The following KATNBL1 variants were observed in gnomAD, a reference collection of about 807,000 sequenced individuals.
KATNBL1 encodes KATNB1-like protein 1.
KATNBL1 carries 28 observed loss-of-function variants against 44.7 expected under a neutral mutation model. That is an observed-to-expected ratio of 0.63 (90% CI 0.46 to 0.86). The LOEUF (loss-of-function observed/expected upper bound fraction) is 0.86. Among genes scored for constraint, KATNBL1 ranks in the 40% least tolerant of loss-of-function variants. The pLI is 0.00. For missense variants in KATNBL1, 272 were observed against 350.7 expected (o/e 0.78, Z 1.79); for synonymous variants, 78 against 114.9 (o/e 0.68, Z 2.06).
rs1372466698 is a variant in KATNBL1, at chr15:34,147,952, C to T, written c.558-522G>A. Among the ~76,000 whole-genome samples the T allele has an allele frequency of 2.0e-5, 3 of 152,058 alleles. No homozygotes were observed. In the East Asian group the frequency reaches 5.8e-4, roughly 29 times the overall value. On this transcript the variant is annotated intron_variant, in intron 5 of 9. Transcript: ENST00000256544. ...CATAATCACAGCTTACTGCAACCTC[C>T]AACTCCTGGGTTCAAAGTGATCTTC...
chr15:34,147,633 T>G (rs1597423984), intron 5 of KATNBL1, among the ~76,000 whole-genome samples: 18 of 139,286 alleles, frequency 1.3e-4, no homozygotes, highest in African/African-American at 2.4e-4. Context: ...GGTTGGGGGG[T>G]GGGACAGAGA....
chr15:34,161,694 C>G (rs968777130), intron 2 of KATNBL1, among the ~76,000 whole-genome samples: 2 of 152,086 alleles, frequency 1.3e-5, no homozygotes, highest in African/African-American at 4.8e-5. Flanking sequence ...TTAAAGAGAG[C>G]AGGGGTATGA....
At chr15:34,201,128 T>C (rs941250013) in intron 1 of KATNBL1, among the ~76,000 whole-genome samples, 1 of 152,240 alleles carries the variant, frequency 6.6e-6, no homozygotes, top group African/African-American at 2.4e-5. Flanking sequence ...TCCTCAGTTT[T>C]AATCAAGTCC....
At chr15:34,178,544 T>C (rs963454859) in intron 1 of KATNBL1, among the ~76,000 whole-genome samples, 11 of 151,940 alleles carry the variant, frequency 7.2e-5, no homozygotes, top group African/African-American at 2.7e-4. Context: ...GATCACGAGG[T>C]CAGGAGATCG....
At chr15:34,188,278 G>A (rs1053763177) in intron 1 of KATNBL1, among the ~76,000 whole-genome samples, 2 of 151,100 alleles carry the variant, frequency 1.3e-5, no homozygotes, top group African/African-American at 4.9e-5. Context: ...CAAATGAGCT[G>A]GGTGTGGTGG....
At chr15:34,174,662 C>T (rs1889269353) in intron 1 of KATNBL1, among the ~76,000 whole-genome samples, 1 of 151,882 alleles carries the variant, frequency 6.6e-6, no homozygotes, top group Non-Finnish European at 1.5e-5. Context: ...CATGCAAATA[C>T]TAACTTTTTT....
intron 1 of KATNBL1, among the ~76,000 whole-genome samples, chr15:34,184,035 G>C (rs1423242028): frequency 6.6e-6 from 1 of 152,092 alleles, no homozygotes; most frequent in African/African-American, 2.4e-5. Context: ...CGGGCGCAGT[G>C]GCTCACGCCT....
intron 1 of KATNBL1, among the ~76,000 whole-genome samples, chr15:34,174,610 T>A (rs565378747): frequency 1.3e-4 from 19 of 151,878 alleles, no homozygotes; most frequent in African/African-American, 4.3e-4. Context: ...AAAATAATGA[T>A]GTAGGCATGC....
chr15:34,191,116 T>C (rs1043605268), intron 1 of KATNBL1, among the ~76,000 whole-genome samples: 6 of 150,142 alleles, frequency 4.0e-5, no homozygotes, highest in African/African-American at 9.7e-5. Flanking sequence ...TCTGTCACTA[T>C]AGTTTGCCTT....
chr15:34,179,504 T>G (rs1232462385), intron 1 of KATNBL1, among the ~76,000 whole-genome samples: 1 of 152,172 alleles, frequency 6.6e-6, no homozygotes, highest in Admixed American at 6.5e-5. Flanking sequence ...GTATTTTTTT[T>G]TGTTTGTTTT....
intron 1 of KATNBL1, among the ~76,000 whole-genome samples, chr15:34,197,688 T>G (rs894545452): frequency 2.6e-5 from 4 of 152,256 alleles, no homozygotes; most frequent in African/African-American, 9.6e-5. Flanking sequence ...TCGTTGTCTT[T>G]GGCTTATTTT....
At chr15:34,204,898 T>C (rs1285087668) in intron 1 of KATNBL1, among the ~76,000 whole-genome samples, 1 of 152,172 alleles carries the variant, frequency 6.6e-6, no homozygotes, top group Non-Finnish European at 1.5e-5. Context: ...ATAGACTTAC[T>C]GAGAAACTTT....
chr15:34,205,025 C>T (rs1184418885), intron 1 of KATNBL1, among the ~76,000 whole-genome samples: 1 of 147,966 alleles, frequency 6.8e-6, no homozygotes, highest in African/African-American at 2.5e-5. Flanking sequence ...GATGGAGTCT[C>T]GCTCTGTTGC....
At chr15:34,145,323 T>C in intron 9 of KATNBL1, 75 bp downstream of exon 9, 1 of 1,316,232 alleles carries the variant, frequency 7.6e-7, no homozygotes. Flanking sequence ...CCTAGAGACT[T>C]GAAAATTAAT....
intron 1 of KATNBL1, among the ~76,000 whole-genome samples, chr15:34,200,257 CTT>C (rs1455534821): frequency 2.0e-5 from 3 of 151,520 alleles, no homozygotes; most frequent in African/African-American, 2.4e-5. Context: ...CTCTCTCTCT[CTT>C]CTTTTTTTTT....
intron 1 of KATNBL1, among the ~76,000 whole-genome samples, chr15:34,176,774 T>C (rs1889345155): frequency 6.6e-6 from 1 of 152,230 alleles, no homozygotes; most frequent in Admixed American, 6.5e-5. Flanking sequence ...GAAATCATAA[T>C]TGTAATGGTA....
intron 1 of KATNBL1, among the ~76,000 whole-genome samples, chr15:34,205,241 G>A (rs563978710): frequency 1.3e-5 from 2 of 152,058 alleles, no homozygotes; most frequent in African/African-American, 2.4e-5. Context: ...AACCGCCCAC[G>A]TAGGCCTCCC....
chr15:34,188,631 C>A (rs928457147), intron 1 of KATNBL1, among the ~76,000 whole-genome samples: 6 of 152,112 alleles, frequency 3.9e-5, no homozygotes, highest in Admixed American at 3.9e-4. Flanking sequence ...AAACAAAAAG[C>A]CGTACAAAAT....
intron 3 of KATNBL1, among the ~76,000 whole-genome samples, 159 bp downstream of exon 3, chr15:34,154,485 A>G (rs1340566377): frequency 6.6e-6 from 1 of 152,160 alleles, no homozygotes; most frequent in Non-Finnish European, 1.5e-5. Flanking sequence ...GAGCAGAGAC[A>G]ATATTGATGT....
Sources: allele counts gnomAD v4.1 joint callset (sites outside exome capture counted in the v4.1 genomes callset), GRCh38; gene constraint gnomAD v4.1.1; transcripts MANE v1.5; gene names NCBI Gene and HGNC (gene_info 2026-07-23, HGNC 2026-07-21).